ARMC9: variants seen among roughly 807,000 people sequenced by gnomAD.
The protein encoded by ARMC9 is lisH domain-containing protein ARMC9.
Under a neutral mutation model 107.0 loss-of-function variants are expected in ARMC9, and 94 were observed. That is an observed-to-expected ratio of 0.88 (90% confidence interval 0.74 to 1.04). ARMC9 has a LOEUF of 1.04. ARMC9 is among the 50% of genes least tolerant of loss of function. The probability of loss-of-function intolerance (pLI) is 0.00; values close to 1 mark genes in which losing one functional copy is unlikely to be tolerated. For missense variants in ARMC9, 942 were observed against 1,030.1 expected (o/e 0.91, Z 1.17); for synonymous variants, 380 against 396.9 (o/e 0.96, Z 0.51).
At chr2:231,351,511 G>A (rs1177423594) in intron 21 of ARMC9, among the ~76,000 whole-genome samples, 2 of 152,058 alleles carry the variant, frequency 1.3e-5, no homozygotes, top group Non-Finnish European at 2.9e-5. Context: ...ATTTATTCCA[G>A]CAGCCAGAGA....
At chr2:231,256,227 G>A (rs1275226005) in intron 9 of ARMC9, 4 of 1,536,236 alleles carry the variant, frequency 2.6e-6, no homozygotes, top group South Asian at 1.2e-5. Context: ...TCCATCATCC[G>A]CAATGTAAAA....
At chr2:231,306,777 C>T (rs1208276962) in intron 19 of ARMC9, among the ~76,000 whole-genome samples, 1 of 152,024 alleles carries the variant, frequency 6.6e-6, no homozygotes, top group African/African-American at 2.4e-5. Flanking sequence ...AGAACTCAGG[C>T]AAGGAGACAA....
At chr2:231,267,158 G>A (rs2038922747) in intron 12 of ARMC9, among the ~76,000 whole-genome samples, 1 of 152,222 alleles carries the variant, frequency 6.6e-6, no homozygotes, top group Admixed American at 6.5e-5. Flanking sequence ...AAGTGGGAGA[G>A]AGTCCTGGGA....
At chr2:231,213,933 A>G (rs993778652) in intron 3 of ARMC9, among the ~76,000 whole-genome samples, 2 of 152,236 alleles carry the variant, frequency 1.3e-5, no homozygotes, top group Non-Finnish European at 2.9e-5. Flanking sequence ...CATTCGATAC[A>G]AAAAGAACAG....
At chr2:231,290,569 A>G (rs1209474389) in intron 17 of ARMC9, among the ~76,000 whole-genome samples, 3 of 152,194 alleles carry the variant, frequency 2.0e-5, no homozygotes, top group Non-Finnish European at 4.4e-5. Flanking sequence ...CTCAAGCTGT[A>G]TGGACTCATT....
intron 11 of ARMC9, among the ~76,000 whole-genome samples, chr2:231,261,736 T>C (rs1263591522): frequency 1.3e-5 from 2 of 152,212 alleles, no homozygotes; most frequent in Non-Finnish European, 2.9e-5. Context: ...ATCTGCACAC[T>C]TACAGTCTGA....
chr2:231,214,416 C>T (rs970656684), intron 3 of ARMC9, among the ~76,000 whole-genome samples: 1 of 152,224 alleles, frequency 6.6e-6, no homozygotes, highest in African/African-American at 2.4e-5. Context: ...TGTCAGCAAC[C>T]TTCCATGCCT....
At chr2:231,256,118 C>T in intron 9 of ARMC9, 1 of 1,552,890 alleles carries the variant, frequency 6.4e-7, no homozygotes, top group Non-Finnish European at 8.7e-7. Context: ...CCGTGTGCAG[C>T]CTATCAAGCT....
At chr2:231,345,201 C>T in intron 21 of ARMC9, 111 bp downstream of exon 21, 7 of 1,520,634 alleles carry the variant, frequency 4.6e-6, no homozygotes, top group Non-Finnish European at 6.1e-6. Flanking sequence ...TTTTGAAAAG[C>T]ATTTATCTCT....
chr2:231,351,890 A>G (rs1450726078), intron 21 of ARMC9, among the ~76,000 whole-genome samples: 3 of 152,132 alleles, frequency 2.0e-5, no homozygotes, highest in East Asian at 3.9e-4. Flanking sequence ...TGTTGCCAGG[A>G]GTGTGGATAC....
intron 17 of ARMC9, among the ~76,000 whole-genome samples, chr2:231,289,995 A>G (rs1434928408): frequency 1.3e-5 from 2 of 152,242 alleles, no homozygotes; most frequent in African/African-American, 2.4e-5. Flanking sequence ...TGTGCCAGCC[A>G]TTGGACTAGA....
intron 16 of ARMC9, among the ~76,000 whole-genome samples, chr2:231,279,656 G>A (rs2040053324): frequency 6.6e-6 from 1 of 151,614 alleles, no homozygotes; most frequent in South Asian, 2.1e-4. Context: ...GATTACAGGT[G>A]CCCGCCACTA....
chr2:231,245,575 G>A (rs1397813410), intron 9 of ARMC9, among the ~76,000 whole-genome samples: 1 of 152,208 alleles, frequency 6.6e-6, no homozygotes, highest in Non-Finnish European at 1.5e-5. Flanking sequence ...CCTTCGCTCA[G>A]CGCATCCTGC....
At chr2:231,279,440 A>G (rs2040023336) in intron 16 of ARMC9, among the ~76,000 whole-genome samples, 3 of 152,204 alleles carry the variant, frequency 2.0e-5, no homozygotes, top group South Asian at 4.1e-4. Context: ...TGAGCAGGAT[A>G]CGATTGAGTA....
At chr2:231,272,187 G>GTTTTTTTTTTTT (rs56201225) in intron 13 of ARMC9, among the ~76,000 whole-genome samples, 2 of 99,710 alleles carry the variant, frequency 2.0e-5, no homozygotes, top group African/African-American at 4.4e-5. Context: ...TGTGTGTTTG[G>GTTTTTTTTTTTT]TTTTTTTTTT....
At chr2:231,260,545 C>T (rs1425301562) in intron 11 of ARMC9, among the ~76,000 whole-genome samples, 1 of 152,214 alleles carries the variant, frequency 6.6e-6, no homozygotes, top group Non-Finnish European at 1.5e-5. Flanking sequence ...TATGGTAGTG[C>T]TTCCTGAAGT....
intron 11 of ARMC9, among the ~76,000 whole-genome samples, chr2:231,261,828 T>A (rs539218776): frequency 1.6e-5 from 2 of 128,628 alleles, no homozygotes; most frequent in South Asian, 4.6e-4. Context: ...TCACAGGTTC[T>A]TTTTTTTTTT....
In ARMC9 at chr2:231,372,292, C is replaced by G. The variant is rs1010093262; in HGVS notation, c.*757C>G. On this transcript the variant is annotated 3_prime_UTR_variant, in exon 25 of 25. Transcript: ENST00000611582. ...GCTGAGGCAGGAGAATGGCGTGAAC[C>G]CGGGAGGCGGAGCTTGCAGTGAGCC... The G allele has an allele frequency of 7.9e-5, 12 of 152,216 alleles. No individual in the cohort carries two copies. Among genetic ancestry groups the G allele is most frequent in the African/African-American group, 2.9e-4 (12 of 41,442 alleles). 9.4% of individuals were successfully genotyped at this position (152,216 alleles called of 1,614,324 possible). A position where few individuals can be genotyped will look rare whatever the true frequency, so the allele number is the denominator to read the frequency against.
intron 3 of ARMC9, among the ~76,000 whole-genome samples, chr2:231,210,357 A>G (rs2032652751): frequency 6.6e-6 from 1 of 152,240 alleles, no homozygotes; most frequent in Admixed American, 6.5e-5. Flanking sequence ...TCATTAGTAG[A>G]GGTGAAAACA....
Sources: gnomAD v4.1 joint callset for allele counts (sites outside exome capture counted in the v4.1 genomes callset) on GRCh38, gnomAD v4.1.1 for gene constraint, MANE v1.5 for transcripts, NCBI Gene and HGNC (gene_info 2026-07-23, HGNC 2026-07-21) for gene names.